The following CRADD variants were observed in gnomAD, a reference collection of about 807,000 sequenced individuals.
The protein encoded by CRADD is CARD and death domain containing adaptor protein.
Under a neutral mutation model 15.5 loss-of-function variants are expected in CRADD, and 9 were observed. That is an observed-to-expected ratio of 0.58 (90% CI 0.35 to 1.01). The LOEUF (loss-of-function observed/expected upper bound fraction) is 1.01, where lower values mean the gene tolerates loss of function less well. Ranked by LOEUF, CRADD falls within the 50% of genes least tolerant of loss-of-function variation. CRADD has a pLI of 0.02. For missense variants in CRADD, 227 were observed against 250.3 expected (o/e 0.91, Z 0.63); for synonymous variants, 118 against 107.6 (o/e 1.10, Z -0.60).
At position 93,807,981 on chromosome 12, in the gene CRADD, CAAAA is replaced by C. The variant is rs368104878; in HGVS notation, c.299-41972_299-41969del. Reference sequence around the variant, plus strand: ...ATGTTAGAAGATGGTAAGTGTTATGCAAAAAAAAAAAAAAAAAAAAGTATAGAGC... The same window carrying C: ...ATGTTAGAAGATGGTAAGTGTTATGCAAAAAAAAAAAAAAAAGTATAGAGC... On this transcript the variant is annotated intron_variant, in intron 2 of 2. Transcript: ENST00000332896. Among the ~76,000 whole-genome samples, 44 of 67,744 alleles carry C rather than the reference CAAAA, an allele frequency of 6.5e-4. 1 individual carries two copies. The highest frequency in any genetic ancestry group is 1.9e-3 in the African/African-American group (33 of 17,032). The allele number at this position is 67,744 out of a possible 152,430, so 44.4% of individuals were successfully genotyped here. A position where few individuals can be genotyped will look rare whatever the true frequency, so the allele number is the denominator to read the frequency against.
chr12:93,679,788 T>G (rs1435472940), intron 2 of CRADD, among the ~76,000 whole-genome samples: 2 of 152,120 alleles, frequency 1.3e-5, no homozygotes, highest in Non-Finnish European at 2.9e-5. Flanking sequence ...ATTTGTGAGG[T>G]GCCAGAGCTA....
At chr12:93,806,464 A>C (rs1957539553) in intron 2 of CRADD, among the ~76,000 whole-genome samples, 2 of 149,098 alleles carry the variant, frequency 1.3e-5, no homozygotes, top group Admixed American at 6.8e-5. Flanking sequence ...AAAAAAAAAA[A>C]AAAAAAAACA....
intron 2 of CRADD, among the ~76,000 whole-genome samples, chr12:93,870,864 G>T (rs1043878088): frequency 1.3e-5 from 2 of 152,236 alleles, no homozygotes; most frequent in Non-Finnish European, 2.9e-5. Context: ...TGATTATTTG[G>T]AAGAGAAAAT....
chr12:93,839,265 C>T (rs1236552864), intron 2 of CRADD, among the ~76,000 whole-genome samples: 3 of 152,146 alleles, frequency 2.0e-5, no homozygotes, highest in Non-Finnish European at 4.4e-5. Flanking sequence ...ACAGTATTAC[C>T]TCATATAAAC....
chr12:93,751,357 A>G (rs1249513334), intron 2 of CRADD, among the ~76,000 whole-genome samples: 1 of 152,200 alleles, frequency 6.6e-6, no homozygotes, highest in Non-Finnish European at 1.5e-5. Context: ...TCAGTCAATC[A>G]CTATTAACTG....
chr12:93,780,308 C>G (rs1957190919), intron 2 of CRADD, among the ~76,000 whole-genome samples: 1 of 152,206 alleles, frequency 6.6e-6, no homozygotes, highest in Non-Finnish European at 1.5e-5. Flanking sequence ...GTTGTGACTA[C>G]AATTTCCTGA....
At chr12:93,700,241 A>G (rs2364870) in intron 2 of CRADD, among the ~76,000 whole-genome samples, 4,303 of 152,222 alleles carry the variant, frequency 0.028, 141 homozygotes, top group East Asian at 0.086. Flanking sequence ...TGCACCTGCC[A>G]CTTACTTTAG....
chr12:93,737,392 A>G (rs951016412), intron 2 of CRADD, among the ~76,000 whole-genome samples: 2 of 152,242 alleles, frequency 1.3e-5, no homozygotes, highest in African/African-American at 4.8e-5. Flanking sequence ...TGTATGTGCC[A>G]GATAAAAGTC....
At chr12:93,727,849 T>C (rs900329257) in intron 2 of CRADD, among the ~76,000 whole-genome samples, 1 of 145,062 alleles carries the variant, frequency 6.9e-6, no homozygotes, top group Non-Finnish European at 1.5e-5. Flanking sequence ...ATGCAGTTTC[T>C]GGATGTGCCT....
In CRADD at chr12:93,719,948, T is replaced by C. The variant is rs1956229860; in HGVS notation, c.298+40876T>C. ...TCTCTTTCGTTAATTTCTGCTCTAA[T>C]TTTTATACTTTTTTTTGCTTTTGCT... On this transcript the variant is annotated intron_variant, in intron 2 of 2. Transcript: ENST00000332896. 2.0e-5 allele frequency among the ~76,000 whole-genome samples: 3 copies of C among 152,108 alleles called. No homozygotes were observed. In the South Asian group the frequency reaches 6.2e-4, roughly 31 times the overall value.
intron 2 of CRADD, among the ~76,000 whole-genome samples, chr12:93,773,470 C>T (rs1957106673): frequency 6.6e-6 from 1 of 152,168 alleles, no homozygotes. Flanking sequence ...TGTGAAGCCT[C>T]CCCACCACAT....
intron 2 of CRADD, among the ~76,000 whole-genome samples, chr12:93,836,892 C>T (rs893614316): frequency 9.8e-5 from 15 of 152,306 alleles, no homozygotes; most frequent in African/African-American, 3.1e-4. Flanking sequence ...TGGGGGCAGG[C>T]AGCGACAGTA....
At chr12:93,692,778 G>T (rs148969683) in intron 2 of CRADD, among the ~76,000 whole-genome samples, 1 of 152,140 alleles carries the variant, frequency 6.6e-6, no homozygotes, top group Non-Finnish European at 1.5e-5. Context: ...GGAAACGTAC[G>T]AAAGTATAAA....
Position 93,787,783 on chromosome 12 carries a change from A to G in CRADD, c.299-62187A>G, listed in dbSNP as rs1469110061. Among the ~76,000 whole-genome samples, 5 of 152,258 alleles carry G rather than the reference A, an allele frequency of 3.3e-5. No homozygotes were observed. In the East Asian group the frequency reaches 9.7e-4, roughly 29 times the overall value. ...ATTAAAGAGTTCTGTAGTGTGGCCT[A>G]TTGACCTCATTTGTTCATTCCACAA... On this transcript the variant is annotated intron_variant, in intron 2 of 2. Coordinates refer to ENST00000332896, the MANE Select transcript of CRADD (RefSeq NM_003805.5).
intron 2 of CRADD, among the ~76,000 whole-genome samples, chr12:93,767,322 G>A (rs117788889): frequency 3.3e-3 from 495 of 152,234 alleles, no homozygotes; most frequent in Non-Finnish European, 4.7e-3. Flanking sequence ...TTGGATAAAC[G>A]CCTTCCCTGG....
At chr12:93,696,080 T>C (rs1199231681) in intron 2 of CRADD, among the ~76,000 whole-genome samples, 2 of 152,174 alleles carry the variant, frequency 1.3e-5, no homozygotes, top group Non-Finnish European at 2.9e-5. Flanking sequence ...ATTAAAAATA[T>C]GAAAGGTAAC....
intron 1 of CRADD, 196 bp downstream of exon 1, chr12:93,677,668 A>C (rs980650682): frequency 2.6e-5 from 4 of 152,218 alleles, no homozygotes; most frequent in African/African-American, 9.7e-5. Flanking sequence ...CTCCCTCTTT[A>C]GCGGGTCAAG....
intron 2 of CRADD, among the ~76,000 whole-genome samples, chr12:93,752,603 A>G (rs943458892): frequency 9.8e-5 from 15 of 152,354 alleles, no homozygotes; most frequent in Non-Finnish European, 2.2e-4. Context: ...TTAGAACAAA[A>G]AAATATATCT....
At chr12:93,688,452 G>A (rs772977893) in intron 2 of CRADD, among the ~76,000 whole-genome samples, 1 of 149,428 alleles carries the variant, frequency 6.7e-6, no homozygotes, top group African/African-American at 2.5e-5. Flanking sequence ...GCAATGAGTC[G>A]AGAGCACACT....
Sources: gnomAD v4.1 joint callset for allele counts (sites outside exome capture counted in the v4.1 genomes callset) on GRCh38, gnomAD v4.1.1 for gene constraint, MANE v1.5 for transcripts, NCBI Gene and HGNC (gene_info 2026-07-23, HGNC 2026-07-21) for gene names.